KHDRBS2: variants seen among roughly 807,000 people sequenced by gnomAD.
KHDRBS2 encodes the protein KH domain-containing, RNA-binding, signal transduction-associated protein 2.
KHDRBS2 carries 26 observed loss-of-function variants against 44.3 expected under a neutral mutation model. The observed-to-expected ratio is 0.59, with a 90% CI of 0.43 to 0.81. The LOEUF is 0.81. Among genes scored for constraint, KHDRBS2 ranks in the 40% least tolerant of loss-of-function variants. The probability of loss-of-function intolerance (pLI) is 0.00; values close to 1 mark genes in which losing one functional copy is unlikely to be tolerated. For missense variants in KHDRBS2, 476 were observed against 433.1 expected, an observed-to-expected ratio of 1.10 and a Z score of -0.88; for synonymous variants, 194 against 151.1, an observed-to-expected ratio of 1.28 and a Z score of -2.08.
intron 4 of KHDRBS2, among the ~76,000 whole-genome samples, chr6:61,958,283 T>C (rs1453596930): frequency 6.6e-6 from 1 of 152,152 alleles, no homozygotes; most frequent in Non-Finnish European, 1.5e-5. Context: ...ACATGCTGTT[T>C]CTGCATATCC....
chr6:62,090,309 C>G (rs187366988), intron 2 of KHDRBS2, among the ~76,000 whole-genome samples: 1 of 152,192 alleles, frequency 6.6e-6, no homozygotes, highest in East Asian at 1.9e-4. Context: ...TTTAAGGGCC[C>G]AAGCATAGTT....
chr6:61,675,456 T>C (rs1362307010), downstream of KHDRBS2, among the ~76,000 whole-genome samples: 1 of 151,730 alleles, frequency 6.6e-6, no homozygotes, highest in African/African-American at 2.4e-5. Flanking sequence ...TATCTAAATA[T>C]CATTTTGTGA....
chr6:61,663,034 A>G, the KHDRBS2 span, among the ~76,000 whole-genome samples: 1 of 152,016 alleles, frequency 6.6e-6, no homozygotes, highest in Non-Finnish European at 1.5e-5. Context: ...GATGAAGAAA[A>G]TGTGGCACAA....
chr6:61,768,488 T>C (rs1193822375), intron 6 of KHDRBS2, among the ~76,000 whole-genome samples: 1 of 152,166 alleles, frequency 6.6e-6, no homozygotes, highest in Non-Finnish European at 1.5e-5. Context: ...CCAATATCTC[T>C]TAGATTTGCA....
intron 6 of KHDRBS2, among the ~76,000 whole-genome samples, chr6:61,892,906 C>T (rs1216576853): frequency 1.5e-4 from 23 of 151,854 alleles, no homozygotes; most frequent in Non-Finnish European, 2.2e-4. Context: ...ACAAATGGGA[C>T]CTAATTAAAC....
At position 61,798,860 on chromosome 6, in the gene KHDRBS2, A is replaced by C. The variant is rs1375494681; in HGVS notation, c.811-66096T>G. On this transcript the variant is annotated intron_variant, in intron 6 of 8. Transcript: ENST00000281156. ...AGGCAAAAAAGCATTCAATATATTTAATACTTTAAGTAAATAGTTATATAT... is the reference window on the plus strand; with the variant it reads ...AGGCAAAAAAGCATTCAATATATTTCATACTTTAAGTAAATAGTTATATAT... Among the ~76,000 whole-genome samples the C allele has an allele frequency of 2.6e-5, 4 of 152,064 alleles. No homozygotes were observed. In the East Asian group the frequency reaches 7.7e-4, roughly 29 times the overall value.
chr6:61,563,514 C>T, the KHDRBS2 span, among the ~76,000 whole-genome samples: 1 of 152,140 alleles, frequency 6.6e-6, no homozygotes, highest in Admixed American at 6.6e-5. Flanking sequence ...TAACTGATTG[C>T]TGACCTTTAC....
At chr6:61,616,474 T>C in the KHDRBS2 span, among the ~76,000 whole-genome samples, 648 of 13,282 alleles carry the variant, frequency 0.049, 2 homozygotes, top group Non-Finnish European at 0.088. Context: ...AATATACATA[T>C]ATATATATAT....
intron 6 of KHDRBS2, among the ~76,000 whole-genome samples, chr6:61,875,774 G>C (rs1367406871): frequency 1.3e-5 from 2 of 151,928 alleles, no homozygotes; most frequent in South Asian, 4.2e-4. Context: ...GTCCATAATA[G>C]TTAATTTTAC....
At chr6:61,850,602 C>A (rs2127283376) in intron 6 of KHDRBS2, among the ~76,000 whole-genome samples, 1 of 152,212 alleles carries the variant, frequency 6.6e-6, no homozygotes, top group East Asian at 1.9e-4. Flanking sequence ...AAAGGTCAAT[C>A]ATGAAGGTCA....
chr6:62,070,020 A>T (rs1295285916), intron 2 of KHDRBS2, among the ~76,000 whole-genome samples: 2 of 151,556 alleles, frequency 1.3e-5, no homozygotes, highest in East Asian at 3.9e-4. Flanking sequence ...TACCATGAAA[A>T]GGTGTTAATT....
chr6:61,743,297 A>C (rs1212988673), intron 6 of KHDRBS2, among the ~76,000 whole-genome samples: 1 of 152,116 alleles, frequency 6.6e-6, no homozygotes, highest in Non-Finnish European at 1.5e-5. Flanking sequence ...CATGTTCTGT[A>C]TCTTTACACC....
At chr6:62,212,328 A>G (rs898151772) in intron 1 of KHDRBS2, among the ~76,000 whole-genome samples, 1 of 152,054 alleles carries the variant, frequency 6.6e-6, no homozygotes, top group Non-Finnish European at 1.5e-5. Context: ...AGAGGGAGAG[A>G]GAGAGTGAGA....
At chr6:62,217,487 T>C (rs1054610515) in intron 1 of KHDRBS2, among the ~76,000 whole-genome samples, 1 of 151,840 alleles carries the variant, frequency 6.6e-6, no homozygotes, top group African/African-American at 2.4e-5. Context: ...AATTGAAGAG[T>C]TGCTTTTCAA....
chr6:61,594,077 C>T, the KHDRBS2 span, among the ~76,000 whole-genome samples: 2 of 151,842 alleles, frequency 1.3e-5, no homozygotes, highest in East Asian at 3.9e-4. Flanking sequence ...AAGAATAATC[C>T]CAAACAATTT....
At chr6:62,100,891 A>C (rs753508950) in intron 2 of KHDRBS2, among the ~76,000 whole-genome samples, 11 of 152,178 alleles carry the variant, frequency 7.2e-5, no homozygotes, top group Non-Finnish European at 1.6e-4. Context: ...TTGCAGACTA[A>C]AGAAAGAGAT....
At chr6:61,916,082 C>T (rs559523328) in intron 4 of KHDRBS2, among the ~76,000 whole-genome samples, 44 of 152,058 alleles carry the variant, frequency 2.9e-4, no homozygotes, top group Admixed American at 9.8e-4. Context: ...CACAGGTTTC[C>T]GAAACACTTA....
chr6:61,587,313 A>T, the KHDRBS2 span, among the ~76,000 whole-genome samples: 2 of 152,136 alleles, frequency 1.3e-5, no homozygotes. Flanking sequence ...CCATGTGTCC[A>T]GGGACAGTCA....
intron 1 of KHDRBS2, among the ~76,000 whole-genome samples, chr6:62,260,701 C>A (rs1838198855): frequency 6.6e-6 from 1 of 151,876 alleles, no homozygotes; most frequent in Admixed American, 6.6e-5. Flanking sequence ...TCCGAAGCTA[C>A]ATTTTACAGG....
Sources: gnomAD v4.1 joint callset for allele counts (sites outside exome capture counted in the v4.1 genomes callset) on GRCh38, gnomAD v4.1.1 for gene constraint, MANE v1.5 for transcripts, NCBI Gene and HGNC (gene_info 2026-07-23, HGNC 2026-07-21) for gene names.